The following CLASP2 variants were observed in gnomAD, a reference collection of about 807,000 sequenced individuals.
CLASP2 encodes the protein cytoplasmic linker associated protein 2.
CLASP2 carries 47 observed loss-of-function variants against 194.4 expected under a neutral mutation model. The ratio of observed to expected loss-of-function variants is 0.24; its 90% CI spans 0.19 to 0.31. CLASP2 has a LOEUF of 0.31. Among genes scored for constraint, CLASP2 ranks in the 10% least tolerant of loss-of-function variants. CLASP2 has a pLI of 1.00. For synonymous variants in CLASP2, 619 were observed against 633.5 expected, an observed-to-expected ratio of 0.98 and a Z score of 0.34; for missense variants, 1,445 against 1,823.6, an observed-to-expected ratio of 0.79 and a Z score of 3.78.
intron 1 of CLASP2, among the ~76,000 whole-genome samples, chr3:33,710,864 G>C (rs1398770206): frequency 6.6e-6 from 1 of 151,944 alleles, no homozygotes; most frequent in African/African-American, 2.4e-5. Flanking sequence ...GAACCCGGGA[G>C]GCGGATGTTG....
At chr3:33,540,207 C>T (rs1379426984) in intron 32 of CLASP2, among the ~76,000 whole-genome samples, 2 of 147,178 alleles carry the variant, frequency 1.4e-5, no homozygotes, top group African/African-American at 2.5e-5. Context: ...TGCGATTACA[C>T]GCATGAGCCA....
In CLASP2 at chr3:33,687,026, A is replaced by T. The variant is rs945782175; in HGVS notation, c.546+34T>A. The T allele has an allele frequency of 3.2e-6, 4 of 1,263,800 alleles. No individual in the cohort carries two copies. In the Admixed American group the frequency reaches 7.8e-5, roughly 24 times the overall value. 78.3% of individuals were successfully genotyped at this position (1,263,800 alleles called of 1,614,324 possible). ...CTAGAAAAGAAATGGTAGCCAAAAA[A>T]TCAGTCAATGCTTGAATGTAAATAA... On this transcript the variant is annotated intron_variant, in intron 5 of 38. Transcript: ENST00000682230.
intron 18 of CLASP2, 57 bp from the exon 19 acceptor site, chr3:33,596,791 AT>A: frequency 7.6e-7 from 1 of 1,307,562 alleles, no homozygotes; most frequent in Non-Finnish European, 1.1e-6. Context: ...AGAAGAAATG[AT>A]TTTTATAATT....
intron 8 of CLASP2, chr3:33,644,498 A>T (rs2081943449): frequency 2.2e-6 from 1 of 455,820 alleles, no homozygotes; most frequent in Non-Finnish European, 3.9e-6. Flanking sequence ...AACTTCCATA[A>T]ATCTTTTTCA....
At chr3:33,714,312 A>T (rs1204659788) in intron 1 of CLASP2, among the ~76,000 whole-genome samples, 1 of 152,228 alleles carries the variant, frequency 6.6e-6, no homozygotes, top group Non-Finnish European at 1.5e-5. Flanking sequence ...TATTACATAT[A>T]TGCCTATTTC....
intron 27 of CLASP2, among the ~76,000 whole-genome samples, chr3:33,563,097 A>G (rs934066184): frequency 3.3e-5 from 5 of 152,020 alleles, no homozygotes; most frequent in African/African-American, 9.7e-5. Flanking sequence ...CTCCTCTACT[A>G]TCTTTACTCT....
intron 34 of CLASP2, among the ~76,000 whole-genome samples, chr3:33,530,469 CAAAA>C (rs2056002038): frequency 6.6e-6 from 1 of 151,998 alleles, no homozygotes; most frequent in Non-Finnish European, 1.5e-5. Context: ...GACCCTGTCT[CAAAA>C]ATAAATAAAC....
At chr3:33,533,413 A>T (rs1395856938) in intron 34 of CLASP2, among the ~76,000 whole-genome samples, 1 of 152,214 alleles carries the variant, frequency 6.6e-6, no homozygotes, top group African/African-American at 2.4e-5. Flanking sequence ...GGTAACAAAA[A>T]CACTCCTCAA....
intron 8 of CLASP2, among the ~76,000 whole-genome samples, chr3:33,639,602 T>G (rs940193676): frequency 7.9e-5 from 12 of 152,180 alleles, no homozygotes; most frequent in Non-Finnish European, 1.3e-4. Flanking sequence ...AAAACACATA[T>G]TCTTATACAT....
chr3:33,584,630 A>T (rs2066932979), intron 22 of CLASP2, 120 bp downstream of exon 22: 2 of 912,870 alleles, frequency 2.2e-6, no homozygotes, highest in Admixed American at 6.5e-5. Flanking sequence ...TGAATTTTTA[A>T]GTTATTTTCT....
intron 12 of CLASP2, among the ~76,000 whole-genome samples, chr3:33,617,256 G>A (rs1436225124): frequency 6.6e-6 from 1 of 151,772 alleles, no homozygotes; most frequent in Non-Finnish European, 1.5e-5. Context: ...AACAGGAAAG[G>A]ACAAACTGAT....
chr3:33,521,888 C>G (rs575848304), intron 34 of CLASP2, among the ~76,000 whole-genome samples: 5 of 152,082 alleles, frequency 3.3e-5, no homozygotes, highest in East Asian at 3.9e-4. Flanking sequence ...CTCCCCCCTC[C>G]ACCAGCCCCA....
intron 6 of CLASP2, among the ~76,000 whole-genome samples, chr3:33,669,615 AAAG>A (rs1253512758): frequency 6.6e-6 from 1 of 152,114 alleles, no homozygotes; most frequent in Admixed American, 6.6e-5. Context: ...AGAGGCCTGA[AAAG>A]AACACCACAA....
At chr3:33,555,522 C>A (rs1483846840) in intron 29 of CLASP2, among the ~76,000 whole-genome samples, 2 of 151,988 alleles carry the variant, frequency 1.3e-5, no homozygotes, top group African/African-American at 4.8e-5. Context: ...TGCACCACCA[C>A]GTCCAGCTAA....
intron 24 of CLASP2, among the ~76,000 whole-genome samples, chr3:33,574,995 GAAAA>G (rs1210001650): frequency 1.3e-5 from 2 of 151,912 alleles, no homozygotes; most frequent in South Asian, 2.1e-4. Context: ...AATAGTTCAA[GAAAA>G]ACCCAATCAA....
chr3:33,567,351 T>G (rs2062929855), intron 26 of CLASP2, among the ~76,000 whole-genome samples: 1 of 152,262 alleles, frequency 6.6e-6, no homozygotes, highest in Admixed American at 6.5e-5. Flanking sequence ...GAGATTCAAC[T>G]GTGCCTCATT....
intron 29 of CLASP2, among the ~76,000 whole-genome samples, chr3:33,555,483 A>G (rs1368564994): frequency 6.6e-6 from 1 of 151,190 alleles, no homozygotes; most frequent in Non-Finnish European, 1.5e-5. Context: ...CTCCCACCTC[A>G]GCTTCCCGAG....
intron 37 of CLASP2, chr3:33,503,197 T>A (rs557713477): frequency 6.6e-6 from 1 of 152,118 alleles, no homozygotes; most frequent in Non-Finnish European, 1.5e-5. Flanking sequence ...AGGAGTGGAA[T>A]AGGAATGTAA....
intron 32 of CLASP2, among the ~76,000 whole-genome samples, chr3:33,540,585 G>A (rs1476886060): frequency 6.6e-6 from 1 of 152,042 alleles, no homozygotes; most frequent in East Asian, 1.9e-4. Flanking sequence ...AAATTCAACT[G>A]AAGCTGGAAT....
Sources: allele counts gnomAD v4.1 joint callset (sites outside exome capture counted in the v4.1 genomes callset), GRCh38; gene constraint gnomAD v4.1.1; transcripts MANE v1.5; gene names NCBI Gene and HGNC (gene_info 2026-07-23, HGNC 2026-07-21).